The following LGMN variants were observed in gnomAD, a reference collection of about 807,000 sequenced individuals.
LGMN encodes legumain, also known as asparaginyl endopeptidase.
LGMN carries 36 observed loss-of-function variants against 56.8 expected under a neutral mutation model. The ratio of observed to expected loss-of-function variants is 0.63; its 90% CI spans 0.49 to 0.84. The LOEUF is 0.84. LGMN is among the 40% of genes least tolerant of loss of function. The probability of loss-of-function intolerance (pLI) is 0.00; values close to 1 mark genes in which losing one functional copy is unlikely to be tolerated. For missense variants in LGMN, 446 were observed against 556.1 expected, an observed-to-expected ratio of 0.80 and a Z score of 1.99; for synonymous variants, 199 against 210.1, an observed-to-expected ratio of 0.95 and a Z score of 0.46.
intron 11 of LGMN, 72 bp from the exon 12 acceptor site, chr14:92,706,725 A>C (rs1889452143): frequency 2.2e-6 from 3 of 1,369,888 alleles, no homozygotes; most frequent in Non-Finnish European, 2.9e-6. Context: ...GTGCGGTGAG[A>C]AGTGCATTCA....
chr14:92,742,869 A>G (rs1056703140), intron 1 of LGMN: 2 of 151,390 alleles, frequency 1.3e-5, no homozygotes, highest in Non-Finnish European at 2.9e-5. Context: ...ACATAGGGAG[A>G]CTCTGTCTCT....
intron 1 of LGMN, among the ~76,000 whole-genome samples, chr14:92,738,943 T>C (rs1408111066): frequency 6.7e-6 from 1 of 148,796 alleles, no homozygotes; most frequent in Non-Finnish European, 1.5e-5. Flanking sequence ...CGCTTGGACC[T>C]GGGAGGCAGA....
intron 1 of LGMN, among the ~76,000 whole-genome samples, chr14:92,743,498 G>A (rs911428158): frequency 4.0e-5 from 6 of 150,282 alleles, no homozygotes; most frequent in Non-Finnish European, 8.9e-5. Context: ...GCGAGACTCC[G>A]TCTCAAAAAA....
rs1459011036 is a variant in LGMN, at chr14:92,719,159, C to CAT, written c.139-316_139-315insAT. 3.4e-4 allele frequency among the ~76,000 whole-genome samples: 10 copies of CAT among 29,192 alleles called. No homozygotes were observed. In the East Asian group the frequency reaches 4.2e-3, roughly 12 times the overall value. The allele number at this position is 29,192 out of a possible 152,430, so 19.2% of individuals were successfully genotyped here. A position where few individuals can be genotyped will look rare whatever the true frequency, so the allele number is the denominator to read the frequency against. On this transcript the variant is annotated intron_variant, in intron 2 of 13. Transcript: ENST00000334869. Reference sequence around the variant, plus strand: ...GCCACCGCCACCACCACCGCCACTGCCACCACCACCACCACCACCACCATC... The same window carrying CAT: ...GCCACCGCCACCACCACCGCCACTGCATCACCACCACCACCACCACCACCATC...
At chr14:92,747,688 G>C (rs1353932804) in intron 1 of LGMN, among the ~76,000 whole-genome samples, 1 of 152,146 alleles carries the variant, frequency 6.6e-6, no homozygotes, top group Non-Finnish European at 1.5e-5. Context: ...TGCTCAAAAA[G>C]CTTAGTAAGG....
intron 2 of LGMN, among the ~76,000 whole-genome samples, chr14:92,719,543 A>T (rs1266152523): frequency 6.6e-6 from 1 of 152,208 alleles, no homozygotes; most frequent in African/African-American, 2.4e-5. Context: ...AATGACTCAG[A>T]ATGATCAACA....
chr14:92,716,197 CA>C lies in LGMN; in HGVS notation c.342del (p.Ala115LeufsTer3). 6.2e-7 allele frequency: 1 copy of C among 1,613,510 alleles called. No homozygotes were observed. The highest frequency in any genetic ancestry group is 2.2e-5 in the East Asian group (1 of 44,866). Reference sequence around the variant, plus strand: ...GCTTCTGCATCGCCTCTCAACACAGCAAGGAAATTTTGTGGGGTAACATCCT... The same window carrying C: ...GCTTCTGCATCGCCTCTCAACACAGCAGGAAATTTTGTGGGGTAACATCCT... ...TGEDVTPQNF[L>X]AVLRGDAEAV... On this transcript the variant is annotated frameshift_variant, in exon 5 of 14. Coordinates refer to ENST00000334869, the MANE Select transcript of LGMN (RefSeq NM_005606.7). LOFTEE classifies it high-confidence loss of function.
At chr14:92,711,162 A>G (rs1889745508) in intron 10 of LGMN, among the ~76,000 whole-genome samples, 2 of 152,230 alleles carry the variant, frequency 1.3e-5, no homozygotes, top group South Asian at 2.1e-4. Flanking sequence ...CCTTCTGGAC[A>G]TATTTGGAGG....
Position 92,719,335 on chromosome 14 carries a change from GCCATCACCGCCA to G in LGMN, c.139-503_139-492del, listed in dbSNP as rs1566924740. 1.0e-3 allele frequency among the ~76,000 whole-genome samples: 33 copies of G among 33,142 alleles called. No homozygotes were observed. The East Asian group carries it at 0.01, about 10-fold the overall frequency. The allele number at this position is 33,142 out of a possible 152,430, so 21.7% of individuals were successfully genotyped here. On this transcript the variant is annotated intron_variant, in intron 2 of 13. Transcript: ENST00000334869. Reference sequence around the variant, plus strand: ...CACCGCCGCCGCCGCCACCGCCACCGCCATCACCGCCACCACCACCAACACCACCACCACCAC... The same window carrying G: ...CACCGCCGCCGCCGCCACCGCCACCGCCACCACCAACACCACCACCACCAC...
In LGMN at chr14:92,711,631, G is replaced by A. The variant is rs776691261; in HGVS notation, c.819+28C>T. The A allele has an allele frequency of 3.1e-6, 5 of 1,591,542 alleles. No individual in the cohort carries two copies. In the South Asian group the frequency reaches 5.5e-5, roughly 18 times the overall value. On this transcript the variant is annotated intron_variant, in intron 10 of 13. Transcript: ENST00000334869. ...GTCCACCTAGGACACAAGGAACAGA[G>A]GGCCAGCACGCGAGGCTCCCGACTC...
chr14:92,706,096 C>T (rs1889414981), intron 12 of LGMN, among the ~76,000 whole-genome samples: 1 of 152,120 alleles, frequency 6.6e-6, no homozygotes, highest in Non-Finnish European at 1.5e-5. Flanking sequence ...CTCCATGGGC[C>T]ACACCTGACT....
intron 2 of LGMN, among the ~76,000 whole-genome samples, chr14:92,722,843 G>T (rs1890548306): frequency 6.6e-6 from 1 of 152,124 alleles, no homozygotes; most frequent in African/African-American, 2.4e-5. Context: ...ATGAAAAGAT[G>T]TTCAACATCA....
At chr14:92,716,349 T>C (rs1890074233) in intron 4 of LGMN, 128 bp from the exon 5 acceptor site, 2 of 736,546 alleles carry the variant, frequency 2.7e-6, no homozygotes, top group Admixed American at 1.9e-5. Context: ...GCAAACACTT[T>C]TGGTCGGGTG....
At position 92,729,477 on chromosome 14, in the gene LGMN, C is replaced by CA. The variant is rs1555399730; in HGVS notation, c.138+3171_138+3172insT. ...ATCACCTCAGATCACGCCCCCCCCC[C>CA]CCGCCCCCGTTAAACACTTAATCCC... On this transcript the variant is annotated intron_variant, in intron 2 of 13. Transcript: ENST00000334869. Among the ~76,000 whole-genome samples, 2 of 98,354 alleles carry CA rather than the reference C, an allele frequency of 2.0e-5. 1 individual carries two copies. Among genetic ancestry groups the CA allele is most frequent in the African/African-American group, 8.0e-5 (2 of 24,962 alleles). The allele number at this position is 98,354 out of a possible 152,430, so 64.5% of individuals were successfully genotyped here.
chr14:92,746,908 C>T (rs1287460297), intron 1 of LGMN, among the ~76,000 whole-genome samples: 4 of 151,722 alleles, frequency 2.6e-5, no homozygotes, highest in Non-Finnish European at 5.9e-5. Context: ...TGGTGGCGGG[C>T]GCCTGTAGTC....
chr14:92,719,263 ACCGCCGCCGCCGCCACCG>A (rs1890287923), intron 2 of LGMN, among the ~76,000 whole-genome samples: 2 of 65,150 alleles, frequency 3.1e-5, no homozygotes, highest in Non-Finnish European at 5.8e-5. Context: ...CACCACCGCC[ACCGCCGCCGCCGCCACCG>A]CCGCCGCCGC....
Position 92,717,464 on chromosome 14 carries a change from G to A in LGMN, c.237-3C>T, listed in dbSNP as rs372947475. On this transcript the variant is annotated splice_region_variant and splice_polypyrimidine_tract_variant and intron_variant, in intron 3 of 13. Transcript: ENST00000334869. ...TCACAATTCCTGGAGTGGGATTGCT[G>A]AAAATTAAAGGACACAATTTAAACG... is the stretch of plus-strand genomic sequence containing the variant. The A allele has an allele frequency of 3.1e-6, 5 of 1,607,534 alleles. No homozygotes were observed. In the East Asian group the frequency reaches 1.1e-4, roughly 36 times the overall value.
At chr14:92,712,022 G>A in intron 8 of LGMN, 67 bp from the exon 9 acceptor site, 3 of 1,240,178 alleles carry the variant, frequency 2.4e-6, no homozygotes, top group Non-Finnish European at 2.4e-6. Flanking sequence ...CTTGAAGCTT[G>A]AGTCCTTCTT....
At chr14:92,746,553 C>T (rs1891828982) in intron 1 of LGMN, among the ~76,000 whole-genome samples, 1 of 152,178 alleles carries the variant, frequency 6.6e-6, no homozygotes, top group Admixed American at 6.5e-5. Flanking sequence ...TTGTAATTCT[C>T]CTGGGGATTA....
Sources: gnomAD v4.1 joint callset for allele counts (sites outside exome capture counted in the v4.1 genomes callset) on GRCh38, gnomAD v4.1.1 for gene constraint, MANE v1.5 for transcripts, NCBI Gene and HGNC (gene_info 2026-07-23, HGNC 2026-07-21) for gene names.